Variants in CNGB3 observed in about 807,000 individuals in gnomAD.
CNGB3 encodes cyclic nucleotide-gated channel beta-3.
Under a neutral mutation model 92.8 loss-of-function variants are expected in CNGB3, and 86 were observed. The observed-to-expected ratio is 0.93, with a 90% CI of 0.78 to 1.11. CNGB3 has a LOEUF of 1.11. Ranked by LOEUF, CNGB3 falls within the 50% of genes least tolerant of loss-of-function variation. The pLI, the probability that CNGB3 is intolerant of heterozygous loss-of-function variation, is 0.00. For synonymous variants in CNGB3, 333 were observed against 332.7 expected, an observed-to-expected ratio of 1.00 and a Z score of -0.01; for missense variants, 1,026 against 956.8, an observed-to-expected ratio of 1.07 and a Z score of -0.95.
chr8:86,710,207 G>C (rs1402870666), intron 3 of CNGB3, among the ~76,000 whole-genome samples: 1 of 152,182 alleles, frequency 6.6e-6, no homozygotes, highest in Non-Finnish European at 1.5e-5. Context: ...TATCTACATA[G>C]TATTTGTGCT....
At chr8:86,730,989 C>T (rs1023661113) in intron 2 of CNGB3, among the ~76,000 whole-genome samples, 3 of 152,094 alleles carry the variant, frequency 2.0e-5, no homozygotes, top group African/African-American at 7.2e-5. Flanking sequence ...GTTCTGGAAA[C>T]CATCTCATAT....
chr8:86,635,522 A>G (rs1223054058), intron 10 of CNGB3, among the ~76,000 whole-genome samples: 2 of 151,520 alleles, frequency 1.3e-5, no homozygotes, highest in African/African-American at 2.4e-5. Flanking sequence ...AATTTTTTTT[A>G]TATTAAATAG....
chr8:86,593,395 C>T (rs1407648804), intron 15 of CNGB3, among the ~76,000 whole-genome samples: 3 of 152,234 alleles, frequency 2.0e-5, no homozygotes, highest in Non-Finnish European at 4.4e-5. Flanking sequence ...TATACTAATA[C>T]ACTAGCCTAA....
At chr8:86,659,685 C>A in intron 6 of CNGB3, 1 of 430,000 alleles carries the variant, frequency 2.3e-6, no homozygotes, top group South Asian at 1.9e-5. Context: ...TGGCAGCATG[C>A]TGAGTGTAAT....
chr8:86,605,915 T>C (rs1373119064), intron 14 of CNGB3, among the ~76,000 whole-genome samples: 1 of 152,154 alleles, frequency 6.6e-6, no homozygotes, highest in Non-Finnish European at 1.5e-5. Context: ...AAATTCTTAT[T>C]TTATCTCCCC....
At chr8:86,593,778 C>T in intron 15 of CNGB3, 2 of 1,327,548 alleles carry the variant, frequency 1.5e-6, no homozygotes, top group Non-Finnish European at 2.1e-6. Context: ...CAGTACTTAT[C>T]AATGAGCCCC....
chr8:86,706,726 C>T (rs1346134918), intron 3 of CNGB3, among the ~76,000 whole-genome samples: 2 of 152,138 alleles, frequency 1.3e-5, no homozygotes, highest in African/African-American at 2.4e-5. Flanking sequence ...GCAATCAATC[C>T]CTGATTACAG....
chr8:86,674,678 T>A (rs1441253393), intron 3 of CNGB3, among the ~76,000 whole-genome samples: 1 of 152,246 alleles, frequency 6.6e-6, no homozygotes, highest in East Asian at 1.9e-4. Context: ...TATTACCAAT[T>A]TTATGCTTTT....
intron 3 of CNGB3, among the ~76,000 whole-genome samples, chr8:86,687,392 T>C (rs777325635): frequency 6.6e-6 from 1 of 152,124 alleles, no homozygotes; most frequent in South Asian, 2.1e-4. Context: ...ATAATATGGA[T>C]GAACCTAGAA....
At chr8:86,590,650 G>T (rs960341842) in intron 15 of CNGB3, among the ~76,000 whole-genome samples, 14 of 151,054 alleles carry the variant, frequency 9.3e-5, no homozygotes, top group African/African-American at 3.2e-4. Flanking sequence ...TTTTCTTTAA[G>T]AATGTTGAAT....
intron 3 of CNGB3, chr8:86,704,230 C>T (rs1563761048): frequency 6.6e-6 from 1 of 152,190 alleles, no homozygotes; most frequent in Non-Finnish European, 1.5e-5. Context: ...TTACTATTGC[C>T]TAAGTGGAAG....
At chr8:86,729,224 G>A (rs576966268) in intron 2 of CNGB3, among the ~76,000 whole-genome samples, 3 of 152,108 alleles carry the variant, frequency 2.0e-5, no homozygotes, top group Non-Finnish European at 4.4e-5. Context: ...AAAGCCACAT[G>A]GATATAAGCT....
rs1312555036 is a variant in CNGB3 at position 86,574,601 on chromosome 8, T to C, written c.*1203A>G. 6.6e-6 allele frequency: 1 copy of C among 152,236 alleles called. No individual in the cohort carries two copies. The highest frequency in any genetic ancestry group is 1.5e-5 in the Non-Finnish European group (1 of 68,040). The allele number at this position is 152,236 out of a possible 1,614,324, so 9.4% of individuals were successfully genotyped here. ...TGGCTAATATGATTTGTTAAAACCC[T>C]CTCAGCAAAGTGCTGTTACAGTGAC... On this transcript the variant is annotated 3_prime_UTR_variant, in exon 18 of 18. Coordinates refer to ENST00000320005, the MANE Select transcript of CNGB3 (RefSeq NM_019098.5).
chr8:86,626,177 A>T (rs1242461384), intron 12 of CNGB3, 97 bp from the exon 13 acceptor site: 4 of 851,290 alleles, frequency 4.7e-6, no homozygotes. Context: ...AAAGGAAACA[A>T]AATGCAAACA....
chr8:86,742,884 G>A (rs1379739), intron 1 of CNGB3, among the ~76,000 whole-genome samples: 113,583 of 151,974 alleles, frequency 0.75, 42,860 homozygotes, highest in African/African-American at 0.84. Context: ...TTGTGAAAAG[G>A]CTTGTTTAAA....
rs371161061 is a variant in CNGB3, at chr8:86,726,669, A to G, written c.212-12T>C. 9.9e-6 allele frequency: 16 copies of G among 1,613,346 alleles called. No homozygotes were observed. The African/African-American group carries it at 2.0e-4, about 20-fold the overall frequency. Reference sequence around the variant, plus strand: ...CTTGGAGAGTTTGTCTATGAAAAAAAAATTCACATAGATAGAAGAATGTAC... The same window carrying G: ...CTTGGAGAGTTTGTCTATGAAAAAAGAATTCACATAGATAGAAGAATGTAC... On this transcript the variant is annotated splice_polypyrimidine_tract_variant and intron_variant, in intron 2 of 17. Transcript: ENST00000320005.
chr8:86,660,517 G>T, intron 6 of CNGB3: 5 of 532,602 alleles, frequency 9.4e-6, no homozygotes, highest in South Asian at 6.9e-5. Context: ...CATGTCCAGA[G>T]GGACGATTTT....
intron 3 of CNGB3, chr8:86,708,132 G>A (rs1278754986): frequency 6.6e-6 from 1 of 152,212 alleles, no homozygotes; most frequent in East Asian, 1.9e-4. Flanking sequence ...ATAAATTTGG[G>A]AACCATCAGG....
intron 6 of CNGB3, chr8:86,660,188 C>CT (rs1823607966): frequency 3.4e-6 from 1 of 290,216 alleles, no homozygotes; most frequent in Non-Finnish European, 7.1e-6. Context: ...TCATTTTCTC[C>CT]TTTTTTGCTC....
Sources: gnomAD v4.1 joint callset for allele counts (sites outside exome capture counted in the v4.1 genomes callset) on GRCh38, gnomAD v4.1.1 for gene constraint, MANE v1.5 for transcripts, NCBI Gene and HGNC (gene_info 2026-07-23, HGNC 2026-07-21) for gene names.